Variants in TBC1D32 observed in about 807,000 individuals in gnomAD.
The protein encoded by TBC1D32 is TBC1 domain family member 32, also known as protein broad-minded.
A neutral mutation model predicts 170.3 loss-of-function variants in TBC1D32; 151 were observed. The observed-to-expected ratio is 0.89, with a 90% CI of 0.78 to 1.01. TBC1D32 has a LOEUF of 1.01. Among genes scored for constraint, TBC1D32 ranks in the 50% least tolerant of loss-of-function variants. The probability of loss-of-function intolerance (pLI) is 0.00; values close to 1 mark genes in which losing one functional copy is unlikely to be tolerated. For missense variants in TBC1D32, 1,464 were observed against 1,457.1 expected (o/e 1.00, Z -0.08); for synonymous variants, 498 against 488.0 (o/e 1.02, Z -0.27).
chr6:121,186,846 T>C (rs538964405), intron 22 of TBC1D32, among the ~76,000 whole-genome samples: 4 of 152,150 alleles, frequency 2.6e-5, no homozygotes, highest in African/African-American at 4.8e-5. Flanking sequence ...AAAATTACAC[T>C]GTATTAGCTG....
At chr6:121,200,484 A>C (rs9401378) in intron 22 of TBC1D32, among the ~76,000 whole-genome samples, 100,233 of 151,426 alleles carry the variant, frequency 0.66, 38,676 homozygotes, top group Non-Finnish European at 0.85. Flanking sequence ...GGTTAAGAAA[A>C]GTTTAAGCTG....
chr6:121,286,336 C>T (rs1456627471), intron 12 of TBC1D32, among the ~76,000 whole-genome samples: 2 of 151,984 alleles, frequency 1.3e-5, no homozygotes, highest in African/African-American at 2.4e-5. Context: ...AACTACGTGA[C>T]GAATGCACAA....
At position 121,294,622 on chromosome 6, in the gene TBC1D32, T is replaced by A. The variant is rs1357727348; in HGVS notation, c.1179A>T (p.Glu393Asp). The A allele has an allele frequency of 1.1e-5, 17 of 1,612,604 alleles. No homozygotes were observed. The highest frequency in any genetic ancestry group is 1.4e-5 in the Non-Finnish European group (17 of 1,179,422). ...TAIQQCVQYF[E>D]MCKTRKADET... ...CATCAGCTTTCCTAGTCTTACACAT[T>A]TCAAAGTACTGAACACACTGTTGAA... is the stretch of plus-strand genomic sequence containing the variant. Residue 393 changes from glutamate to aspartate, a missense_variant, in exon 11 of 32, where the codon GAA (glutamate) becomes GAT (aspartate). Physicochemically the swap from Glu to Asp is conservative, Grantham distance 45. Around this residue, in one of 3 missense-constraint regions of TBC1D32, gnomAD observed 1,363 missense variants for 1,338.1 expected, o/e 1.02. Coordinates refer to ENST00000398212, the MANE Select transcript of TBC1D32 (RefSeq NM_152730.6).
chr6:121,237,670 G>GT (rs1284452743), intron 20 of TBC1D32, among the ~76,000 whole-genome samples: 3 of 151,352 alleles, frequency 2.0e-5, no homozygotes, highest in African/African-American at 4.8e-5. Context: ...TTTCATGTAA[G>GT]TTTTTTTTAA....
intron 26 of TBC1D32, among the ~76,000 whole-genome samples, chr6:121,124,186 T>A: frequency 6.6e-6 from 1 of 152,094 alleles, no homozygotes; most frequent in Non-Finnish European, 1.5e-5. Flanking sequence ...ATTTTAAAAC[T>A]CCCTTTAGCA....
At position 121,205,204 on chromosome 6, in the gene TBC1D32, T is replaced by C. The variant is rs548122023; in HGVS notation, c.2482-41A>G. 26 of 1,010,484 alleles carry C rather than the reference T, an allele frequency of 2.6e-5. No individual in the cohort carries two copies. In the Admixed American group the frequency reaches 4.3e-4, roughly 17 times the overall value. The allele number at this position is 1,010,484 out of a possible 1,614,324, so 62.6% of individuals were successfully genotyped here. On this transcript the variant is annotated intron_variant, in intron 21 of 31. Coordinates refer to ENST00000398212, the MANE Select transcript of TBC1D32 (RefSeq NM_152730.6). ...AAAATGAGACTGTATTTAACTGATA[T>C]CATTTAAAGAAAATTAAGTCAACAA...
chr6:121,331,911 A>T (rs1236873263), intron 1 of TBC1D32, among the ~76,000 whole-genome samples: 1 of 152,222 alleles, frequency 6.6e-6, no homozygotes, highest in Non-Finnish European at 1.5e-5. Context: ...TATTAAGACT[A>T]AAAATGACTT....
At chr6:121,282,128 A>G (rs1803106973) in intron 13 of TBC1D32, among the ~76,000 whole-genome samples, 1 of 151,678 alleles carries the variant, frequency 6.6e-6, no homozygotes. Flanking sequence ...AGAAAATGGG[A>G]AAAAGGAGGC....
intron 21 of TBC1D32, among the ~76,000 whole-genome samples, chr6:121,213,033 A>G (rs1562931034): frequency 1.3e-5 from 2 of 152,232 alleles, no homozygotes; most frequent in African/African-American, 2.4e-5. Context: ...TAAACTAGAT[A>G]TTGAAGGAAC....
At chr6:121,257,459 C>A in intron 15 of TBC1D32, among the ~76,000 whole-genome samples, 1 of 152,116 alleles carries the variant, frequency 6.6e-6, no homozygotes, top group East Asian at 1.9e-4. Flanking sequence ...CACTATTTCA[C>A]TAAGGATTAC....
intron 22 of TBC1D32, among the ~76,000 whole-genome samples, chr6:121,189,275 G>A (rs1280972000): frequency 6.6e-6 from 1 of 151,930 alleles, no homozygotes; most frequent in Non-Finnish European, 1.5e-5. Flanking sequence ...TACTCAATCA[G>A]AACTTCAGGG....
intron 22 of TBC1D32, among the ~76,000 whole-genome samples, chr6:121,161,270 G>A (rs1290610266): frequency 6.6e-6 from 1 of 152,104 alleles, no homozygotes; most frequent in African/African-American, 2.4e-5. Context: ...GTGCCATGGT[G>A]GTTTGCTGCA....
chr6:121,188,112 G>GT (rs1789440711), intron 22 of TBC1D32, among the ~76,000 whole-genome samples: 1 of 151,990 alleles, frequency 6.6e-6, no homozygotes, highest in Non-Finnish European at 1.5e-5. Context: ...TGAATCATTT[G>GT]TTTTAAAAAA....
chr6:121,247,695 C>CAA (rs34914027), intron 17 of TBC1D32, among the ~76,000 whole-genome samples: 16,407 of 46,548 alleles, frequency 0.35, 3,693 homozygotes, highest in Non-Finnish European at 0.46. Flanking sequence ...GGCTTTAAAG[C>CAA]AAAAAAAAAA....
At chr6:121,240,589 C>A (rs1470144527) in intron 19 of TBC1D32, among the ~76,000 whole-genome samples, 1 of 151,254 alleles carries the variant, frequency 6.6e-6, no homozygotes, top group African/African-American at 2.4e-5. Flanking sequence ...CTCAGATAAC[C>A]TTAATATAAG....
Position 121,080,768 on chromosome 6 carries a change from G to C in TBC1D32, c.*3C>G, listed in dbSNP as rs1323205585. 1 of 1,606,440 alleles carries C rather than the reference G, an allele frequency of 6.2e-7. No homozygotes were observed. The highest frequency in any genetic ancestry group is 8.5e-7 in the Non-Finnish European group (1 of 1,177,660). Reference sequence around the variant, plus strand: ...CCTAAATTTAAACCGTGTGTCTCATGATCTATGTGCTCTGCAGTCTAATGT... The same window carrying C: ...CCTAAATTTAAACCGTGTGTCTCATCATCTATGTGCTCTGCAGTCTAATGT... On this transcript the variant is annotated 3_prime_UTR_variant, in exon 32 of 32. Coordinates refer to ENST00000398212, the MANE Select transcript of TBC1D32 (RefSeq NM_152730.6).
intron 13 of TBC1D32, among the ~76,000 whole-genome samples, chr6:121,282,066 T>C (rs951728480): frequency 2.0e-5 from 3 of 151,740 alleles, no homozygotes; most frequent in African/African-American, 7.2e-5. Flanking sequence ...ATTTATTTTT[T>C]CTTAAATAAT....
chr6:121,116,006 A>G (rs1485301216), intron 26 of TBC1D32, among the ~76,000 whole-genome samples: 3 of 152,144 alleles, frequency 2.0e-5, no homozygotes, highest in African/African-American at 7.2e-5. Flanking sequence ...AATAGCATTC[A>G]GGGTCTAGCT....
In TBC1D32 at chr6:121,106,014, A is replaced by G. The variant is rs748024905; in HGVS notation, c.3465+9T>C. 1 of 1,598,798 alleles carries G rather than the reference A, an allele frequency of 6.3e-7. No homozygotes were observed. The highest frequency in any genetic ancestry group is 8.5e-7 in the Non-Finnish European group (1 of 1,170,094). ...GGAGTTGGAGAAATGCTACTCCCTT[A>G]TGGATTACCTGTGATGGTGCAAAAC... On this transcript the variant is annotated intron_variant, in intron 30 of 31. Transcript: ENST00000398212.
Sources: allele counts gnomAD v4.1 joint callset (sites outside exome capture counted in the v4.1 genomes callset), GRCh38; gene constraint gnomAD v4.1.1; regional missense constraint gnomAD v4.1.1; transcripts MANE v1.5; gene names NCBI Gene and HGNC (gene_info 2026-07-23, HGNC 2026-07-21).